RAB31: variants seen among roughly 807,000 people sequenced by gnomAD.
RAB31 encodes ras-related protein Rab-31.
RAB31 carries 21 observed loss-of-function variants against 25.6 expected under a neutral mutation model. The ratio of observed to expected loss-of-function variants is 0.82; its 90% CI spans 0.58 to 1.18. The LOEUF (loss-of-function observed/expected upper bound fraction) is 1.18, where lower values mean the gene tolerates loss of function less well. Ranked by LOEUF, RAB31 falls within the 50% of genes most tolerant of loss-of-function variation. RAB31 has a pLI of 0.00. For missense variants in RAB31, 196 were observed against 250.1 expected, an observed-to-expected ratio of 0.78 and a Z score of 1.46; for synonymous variants, 87 against 84.0, an observed-to-expected ratio of 1.04 and a Z score of -0.20.
At chr18:9,764,309 C>T (rs1013226586) in intron 1 of RAB31, among the ~76,000 whole-genome samples, 1 of 152,160 alleles carries the variant, frequency 6.6e-6, no homozygotes, top group African/African-American at 2.4e-5. Context: ...CTTTTTATCC[C>T]CTGTCCTTGC....
intron 1 of RAB31, among the ~76,000 whole-genome samples, chr18:9,753,424 C>T (rs2068245280): frequency 6.6e-6 from 1 of 152,182 alleles, no homozygotes; most frequent in South Asian, 2.1e-4. Context: ...TGCCCTGCTC[C>T]ACCTTGGGAC....
chr18:9,729,368 A>G (rs2068110712), intron 1 of RAB31, among the ~76,000 whole-genome samples: 1 of 152,102 alleles, frequency 6.6e-6, no homozygotes, highest in African/African-American at 2.4e-5. Flanking sequence ...TGTACTAAAA[A>G]TATAAAAAAT....
At chr18:9,794,173 G>A (rs924554141) in intron 3 of RAB31, among the ~76,000 whole-genome samples, 9 of 152,190 alleles carry the variant, frequency 5.9e-5, no homozygotes, top group Non-Finnish European at 1.0e-4. Flanking sequence ...GGAATTACAG[G>A]TGTGAGCTAC....
At chr18:9,846,986 T>C (rs2068765407) in intron 6 of RAB31, among the ~76,000 whole-genome samples, 2 of 152,176 alleles carry the variant, frequency 1.3e-5, no homozygotes, top group South Asian at 2.1e-4. Context: ...TTTCTTACTC[T>C]CAACAGAATG....
At chr18:9,726,291 G>A (rs1285220182) in intron 1 of RAB31, 2 of 152,376 alleles carry the variant, frequency 1.3e-5, no homozygotes, top group Non-Finnish European at 2.9e-5. Flanking sequence ...GGGACTGTTA[G>A]AGATCAGAGG....
At position 9,756,098 on chromosome 18, in the gene RAB31, C is replaced by G. The variant is rs969651451; in HGVS notation, c.40-19180C>G. On this transcript the variant is annotated intron_variant, in intron 1 of 6. Coordinates refer to ENST00000578921, the MANE Select transcript of RAB31 (RefSeq NM_006868.4). ...GCTGGATGATTGGAGAAGCTTTAAA[C>G]CATGAGAAGGTCATGTGAGCATGGT... Among the ~76,000 whole-genome samples the G allele has an allele frequency of 1.3e-4, 20 of 152,258 alleles. No homozygotes were observed. In the East Asian group the frequency reaches 1.4e-3, roughly 10 times the overall value.
At chr18:9,732,562 A>G (rs1375323498) in intron 1 of RAB31, among the ~76,000 whole-genome samples, 2 of 152,130 alleles carry the variant, frequency 1.3e-5, no homozygotes, top group African/African-American at 4.8e-5. Context: ...CTTGTCTGAC[A>G]CCAGAGCCCA....
At chr18:9,792,823 A>G (rs1395993896) in intron 3 of RAB31, among the ~76,000 whole-genome samples, 1 of 151,900 alleles carries the variant, frequency 6.6e-6, no homozygotes, top group East Asian at 1.9e-4. Context: ...CACCTGAACC[A>G]TGTTGGTTCA....
chr18:9,789,521 G>A (rs1000744171), intron 2 of RAB31, among the ~76,000 whole-genome samples: 3 of 152,060 alleles, frequency 2.0e-5, no homozygotes, highest in East Asian at 1.9e-4. Flanking sequence ...ATTGTGTACC[G>A]GCTAAAAATA....
intron 5 of RAB31, among the ~76,000 whole-genome samples, chr18:9,840,304 G>A (rs2068726700): frequency 6.6e-6 from 1 of 152,064 alleles, no homozygotes; most frequent in Admixed American, 6.6e-5. Context: ...CCTTGGCTTG[G>A]GTGAACTCGT....
At position 9,708,303 on chromosome 18, in the gene RAB31, G is replaced by C; in HGVS notation, c.-103G>C. 1.2e-6 allele frequency: 1 copy of C among 832,616 alleles called. No homozygotes were observed. The highest frequency in any genetic ancestry group is 4.1e-5 in the East Asian group (1 of 24,420). 51.6% of individuals were successfully genotyped at this position (832,616 alleles called of 1,614,324 possible). A position where few individuals can be genotyped will look rare whatever the true frequency, so the allele number is the denominator to read the frequency against. ...TAGCAGCGGCGGCGGTTCCGCCCGC[G>C]GGCGGCGCGAGCGAGGGGCAGAGGC... On this transcript the variant is annotated 5_prime_UTR_variant, in exon 1 of 7. Transcript: ENST00000578921. This position sits in a 1 kb window ranked among gnomAD's most constrained non-coding sequence, Gnocchi z 6.4.
At chr18:9,835,540 G>A (rs553881431) in intron 5 of RAB31, among the ~76,000 whole-genome samples, 16 of 152,314 alleles carry the variant, frequency 1.1e-4, no homozygotes, top group African/African-American at 3.8e-4. Flanking sequence ...GTTTGAACCT[G>A]ACACCAGGAA....
At chr18:9,764,308 C>G (rs1411656822) in intron 1 of RAB31, among the ~76,000 whole-genome samples, 1 of 152,122 alleles carries the variant, frequency 6.6e-6, no homozygotes, top group Admixed American at 6.5e-5. Flanking sequence ...TCTTTTTATC[C>G]CCTGTCCTTG....
intron 2 of RAB31, among the ~76,000 whole-genome samples, chr18:9,788,014 A>G (rs2068442510): frequency 6.6e-6 from 1 of 152,242 alleles, no homozygotes; most frequent in South Asian, 2.1e-4. Context: ...ATGACATGAT[A>G]TCTATCAAAG....
At chr18:9,805,994 G>A (rs1178469537) in intron 3 of RAB31, among the ~76,000 whole-genome samples, 2 of 152,076 alleles carry the variant, frequency 1.3e-5, no homozygotes, top group African/African-American at 2.4e-5. Flanking sequence ...CTAACATGGC[G>A]AAACCCCGTC....
chr18:9,753,650 T>G (rs528559462), intron 1 of RAB31, among the ~76,000 whole-genome samples: 2 of 152,296 alleles, frequency 1.3e-5, no homozygotes, highest in Non-Finnish European at 2.9e-5. Context: ...CCAGTGTGGA[T>G]TCTGTAAAGC....
At chr18:9,814,151 A>AAC in intron 4 of RAB31, 60 bp downstream of exon 4, 3 of 1,303,438 alleles carry the variant, frequency 2.3e-6, no homozygotes, top group Non-Finnish European at 3.3e-6. Flanking sequence ...ACTTAGAGAG[A>AAC]CTGGAGCAGA....
chr18:9,753,996 C>T (rs1460094187), intron 1 of RAB31, among the ~76,000 whole-genome samples: 1 of 151,864 alleles, frequency 6.6e-6, no homozygotes, highest in Non-Finnish European at 1.5e-5. Context: ...AAAAACTATC[C>T]GGTGCCAAGT....
At chr18:9,769,059 T>C (rs922255686) in intron 1 of RAB31, among the ~76,000 whole-genome samples, 1 of 152,238 alleles carries the variant, frequency 6.6e-6, no homozygotes, top group South Asian at 2.1e-4. Context: ...TCTATATATC[T>C]GTTTTCATAC....
Sources: gnomAD v4.1 joint callset for allele counts (sites outside exome capture counted in the v4.1 genomes callset) on GRCh38, gnomAD v4.1.1 for gene constraint, Gnocchi (gnomAD v3.1) non-coding constraint, MANE v1.5 for transcripts, NCBI Gene and HGNC (gene_info 2026-07-23, HGNC 2026-07-21) for gene names.